Variants in PCDHA5 observed in about 807,000 individuals in gnomAD.
PCDHA5 encodes the protein protocadherin alpha-5.
In PCDHA5, 43 loss-of-function variants were observed where a neutral mutation model predicts 61.6. The ratio of observed to expected loss-of-function variants is 0.70; its 90% CI spans 0.55 to 0.90. The LOEUF (loss-of-function observed/expected upper bound fraction) is 0.90, where lower values mean the gene tolerates loss of function less well. Among genes scored for constraint, PCDHA5 ranks in the 40% least tolerant of loss-of-function variants. The probability of loss-of-function intolerance (pLI) is 0.00; values close to 1 mark genes in which losing one functional copy is unlikely to be tolerated. For missense variants in PCDHA5, 1,298 were observed against 1,222.7 expected (o/e 1.06, Z -0.92); for synonymous variants, 627 against 543.9 (o/e 1.15, Z -2.13).
chr5:140,854,725 G>GT (rs2043207581), intron 1 of PCDHA5: 1 of 149,714 alleles, frequency 6.7e-6, no homozygotes, highest in Non-Finnish European at 1.5e-5. Context: ...GAAAACTCAA[G>GT]TTTTTTTCAG....
At chr5:140,985,938 A>G (rs960910585) in intron 3 of PCDHA5, among the ~76,000 whole-genome samples, 8 of 151,748 alleles carry the variant, frequency 5.3e-5, no homozygotes, top group Non-Finnish European at 8.8e-5. Context: ...CCGGGGTTTC[A>G]CTGTGTTAGC....
At chr5:140,883,642 C>T (rs200197885) in intron 1 of PCDHA5, 1 of 1,613,904 alleles carries the variant, frequency 6.2e-7, no homozygotes, top group South Asian at 1.1e-5. Context: ...TCGCGCAGCC[C>T]GAGTACACGG....
chr5:140,896,406 C>CT (rs35238776), intron 1 of PCDHA5, among the ~76,000 whole-genome samples: 1 of 152,100 alleles, frequency 6.6e-6, no homozygotes, highest in Non-Finnish European at 1.5e-5. Flanking sequence ...TTATTTTTGA[C>CT]TTTTTAGTAA....
intron 1 of PCDHA5, chr5:140,860,114 T>C (rs2046188052): frequency 6.6e-6 from 1 of 151,042 alleles, no homozygotes. Context: ...CATAGGGATA[T>C]CTTGTACTGT....
At chr5:140,918,982 G>C (rs1554198889) in intron 1 of PCDHA5, among the ~76,000 whole-genome samples, 1 of 152,188 alleles carries the variant, frequency 6.6e-6, no homozygotes, top group Non-Finnish European at 1.5e-5. Flanking sequence ...AGGTTAGTTG[G>C]TTTTTAGTGT....
intron 1 of PCDHA5, chr5:140,869,322 C>T (rs1169893950): frequency 1.9e-6 from 3 of 1,613,818 alleles, no homozygotes; most frequent in East Asian, 4.5e-5. Flanking sequence ...CACATGGGGA[C>T]CTTCTGGAGG....
intron 1 of PCDHA5, chr5:140,868,929 AG>A: frequency 9.3e-7 from 1 of 1,070,938 alleles, no homozygotes; most frequent in Non-Finnish European, 1.3e-6. Context: ...GTTCATTTAA[AG>A]GTTGGTCTGA....
intron 1 of PCDHA5, among the ~76,000 whole-genome samples, chr5:140,913,961 A>T (rs909283613): frequency 2.0e-5 from 3 of 149,744 alleles, no homozygotes; most frequent in South Asian, 2.1e-4. Context: ...TATCATTTTT[A>T]AAAAAATATT....
At chr5:140,993,569 A>G (rs1311165766) in intron 3 of PCDHA5, among the ~76,000 whole-genome samples, 1 of 151,734 alleles carries the variant, frequency 6.6e-6, no homozygotes, top group East Asian at 1.9e-4. Flanking sequence ...TATCCTTTCT[A>G]GGGATGCTTT....
In PCDHA5 at chr5:140,852,588, T is replaced by TTA. The variant is rs1554145946; in HGVS notation, c.2352+28462_2352+28463insAT. On this transcript the variant is annotated intron_variant, in intron 1 of 3. Coordinates refer to ENST00000529859, the MANE Select transcript of PCDHA5 (RefSeq NM_018908.3). ...ACTGTGCCAAGGCTTTTTTATTTTTTTTTTTTGTCATTTTCTTTCAAAACT... is the reference window on the plus strand; with the variant it reads ...ACTGTGCCAAGGCTTTTTTATTTTTTTATTTTTTGTCATTTTCTTTCAAAACT... 1.7e-5 allele frequency: 15 copies of TTA among 881,508 alleles called. 1 individual carries two copies. The highest frequency in any genetic ancestry group is 1.9e-5 in the Non-Finnish European group (14 of 723,686). The allele number at this position is 881,508 out of a possible 1,614,324, so 54.6% of individuals were successfully genotyped here. A position where few individuals can be genotyped will look rare whatever the true frequency, so the allele number is the denominator to read the frequency against.
At chr5:140,830,211 T>C (rs2150182802) in intron 1 of PCDHA5, 1 of 1,613,792 alleles carries the variant, frequency 6.2e-7, no homozygotes, top group South Asian at 1.1e-5. Flanking sequence ...ATCTGCGCGG[T>C]ATCCAGCCTG....
At chr5:141,002,097 G>A (rs782083569) in intron 3 of PCDHA5, among the ~76,000 whole-genome samples, 3 of 152,230 alleles carry the variant, frequency 2.0e-5, no homozygotes, top group Non-Finnish European at 4.4e-5. Flanking sequence ...TCCAGGGGCT[G>A]GGCCGGAAAC....
In PCDHA5 at chr5:140,846,348, C is replaced by G. The variant is rs2150387302; in HGVS notation, c.2352+22221C>G. 4.3e-5 allele frequency among the ~76,000 whole-genome samples: 6 copies of G among 138,740 alleles called. 1 individual carries two copies. Among genetic ancestry groups the G allele is most frequent in the Admixed American group, 4.3e-4 (6 of 13,918 alleles). The allele number at this position is 138,740 out of a possible 152,430, so 91.0% of individuals were successfully genotyped here. Reference sequence around the variant, plus strand: ...TAAATAGCCTTTTAAAGTGCTTTCTCTTTTTTCTTTTCTTTTCTTTCTTTC... The same window carrying G: ...TAAATAGCCTTTTAAAGTGCTTTCTGTTTTTTCTTTTCTTTTCTTTCTTTC... On this transcript the variant is annotated intron_variant, in intron 1 of 3. Coordinates refer to ENST00000529859, the MANE Select transcript of PCDHA5 (RefSeq NM_018908.3).
chr5:140,967,548 C>G (rs782750678), intron 1 of PCDHA5: 1 of 1,613,922 alleles, frequency 6.2e-7, no homozygotes, highest in Admixed American at 1.7e-5. Flanking sequence ...GACCAGTCCA[C>G]TTATCGCGTC....
rs782071598 is a variant in PCDHA5 at position 140,883,785 on chromosome 5, G to C, written c.2352+59658G>C. On this transcript the variant is annotated intron_variant, in intron 1 of 3. Coordinates refer to ENST00000529859, the MANE Select transcript of PCDHA5 (RefSeq NM_018908.3). ...CGGGTGGGCGAGCGTGCGCTGTCGA[G>C]CTACGTGTCGGTGCACGCGGAGAGC... The C allele has an allele frequency of 1.3e-5, 21 of 1,612,402 alleles. No individual in the cohort carries two copies. In the East Asian group the frequency reaches 4.0e-4, roughly 31 times the overall value.
At chr5:140,920,923 G>C (rs1229531762) in intron 1 of PCDHA5, among the ~76,000 whole-genome samples, 5 of 151,200 alleles carry the variant, frequency 3.3e-5, no homozygotes, top group African/African-American at 1.2e-4. Flanking sequence ...TCCAAGAGTA[G>C]GTGATCTAGC....
chr5:140,999,786 G>A (rs1050666056), intron 3 of PCDHA5, among the ~76,000 whole-genome samples: 4 of 152,120 alleles, frequency 2.6e-5, no homozygotes, highest in African/African-American at 9.7e-5. Flanking sequence ...CCTAGAAATG[G>A]CAGAGTTATT....
At chr5:141,004,637 A>G (rs149340406) in intron 3 of PCDHA5, among the ~76,000 whole-genome samples, 1,579 of 152,220 alleles carry the variant, frequency 0.01, 12 homozygotes, top group Middle Eastern at 0.058. Flanking sequence ...TTGAAGAAAA[A>G]TTTCCATTTT....
At chr5:140,932,114 G>A (rs2088047655) in intron 1 of PCDHA5, among the ~76,000 whole-genome samples, 1 of 151,738 alleles carries the variant, frequency 6.6e-6, no homozygotes. Context: ...ATTTCCAATT[G>A]ATAATATTTA....
Sources: gnomAD v4.1 joint callset for allele counts (sites outside exome capture counted in the v4.1 genomes callset) on GRCh38, gnomAD v4.1.1 for gene constraint, MANE v1.5 for transcripts, NCBI Gene and HGNC (gene_info 2026-07-23, HGNC 2026-07-21) for gene names.